The following MTMR7 variants were observed in gnomAD, a reference collection of about 807,000 sequenced individuals.
MTMR7 encodes the protein myotubularin related protein 7, also known as phosphatidylinositol-3-phosphate phosphatase MTMR7.
Under a neutral mutation model 81.2 loss-of-function variants are expected in MTMR7, and 76 were observed. The ratio of observed to expected loss-of-function variants is 0.94; its 90% CI spans 0.78 to 1.13. The LOEUF (loss-of-function observed/expected upper bound fraction) is 1.13. Ranked by LOEUF, MTMR7 falls within the 50% of genes most tolerant of loss-of-function variation. The probability of loss-of-function intolerance (pLI) is 0.00; values close to 1 mark genes in which losing one functional copy is unlikely to be tolerated. For missense variants in MTMR7, 1,044 were observed against 820.0 expected (o/e 1.27, Z -3.34); for synonymous variants, 372 against 289.8 (o/e 1.28, Z -2.88).
intron 3 of MTMR7, among the ~76,000 whole-genome samples, chr8:17,366,950 C>A (rs1820247106): frequency 6.7e-6 from 1 of 149,692 alleles, no homozygotes; most frequent in African/African-American, 2.5e-5. Flanking sequence ...ACAGCTATTA[C>A]TGGATTTTGC....
intron 7 of MTMR7, chr8:17,326,577 T>C (rs924569898): frequency 6.6e-6 from 1 of 152,158 alleles, no homozygotes; most frequent in African/African-American, 2.4e-5. Flanking sequence ...GGAAAGGATG[T>C]TTTTAAAAGA....
intron 6 of MTMR7, among the ~76,000 whole-genome samples, chr8:17,338,538 A>T (rs1472689638): frequency 6.6e-6 from 1 of 152,136 alleles, no homozygotes; most frequent in Non-Finnish European, 1.5e-5. Context: ...AATCATCTGT[A>T]ACTATTAGGA....
intron 9 of MTMR7, among the ~76,000 whole-genome samples, chr8:17,310,000 T>C (rs914908793): frequency 6.6e-6 from 1 of 152,192 alleles, no homozygotes; most frequent in African/African-American, 2.4e-5. Context: ...TATTGTTTTA[T>C]ATTTTAAAAT....
intron 1 of MTMR7, among the ~76,000 whole-genome samples, chr8:17,410,917 A>G (rs1821719843): frequency 6.6e-6 from 1 of 152,208 alleles, no homozygotes; most frequent in South Asian, 2.1e-4. Flanking sequence ...ACAGTGGGCC[A>G]GAAAAACAAA....
At chr8:17,349,771 T>G (rs1008060326) in intron 4 of MTMR7, among the ~76,000 whole-genome samples, 1 of 152,220 alleles carries the variant, frequency 6.6e-6, no homozygotes, top group African/African-American at 2.4e-5. Context: ...TAAGGATCGA[T>G]GTACTCTTTC....
chr8:17,303,943 A>T (rs190599069), intron 12 of MTMR7, among the ~76,000 whole-genome samples: 6 of 152,322 alleles, frequency 3.9e-5, no homozygotes, highest in African/African-American at 1.2e-4. Context: ...CAAAAAGGCA[A>T]CCTATTACGT....
chr8:17,371,864 T>G (rs964009750), intron 2 of MTMR7, among the ~76,000 whole-genome samples: 6 of 150,480 alleles, frequency 4.0e-5, no homozygotes, highest in East Asian at 3.9e-4. Flanking sequence ...TTTTTTTTTT[T>G]TTTTTTTTTT....
chr8:17,373,118 C>A lies in MTMR7; in HGVS notation c.147G>T (p.Trp49Cys). The part of the protein sequence containing the change: ...ENSPDPRKET[W>C]ILHSQISTIE... ...AAAGCTAAAAATAAAGAAAGCATAC[C>A]CATGTTTCTTTTCTTGGGTCAGGTG... Residue 49 changes from tryptophan to cysteine, a missense_variant and splice_region_variant, in exon 2 of 14, where the codon TGG (tryptophan) becomes TGT (cysteine). By Grantham distance (215) the Trp-to-Cys change is radical. Transcript: ENST00000180173. 1 of 1,612,780 alleles carries A rather than the reference C, an allele frequency of 6.2e-7. No individual in the cohort carries two copies. The highest frequency in any genetic ancestry group is 1.1e-5 in the South Asian group (1 of 90,682).
chr8:17,411,957 A>G (rs1004558669), intron 1 of MTMR7, among the ~76,000 whole-genome samples: 2 of 152,242 alleles, frequency 1.3e-5, no homozygotes, highest in Non-Finnish European at 2.9e-5. Context: ...GGCAGAGTCC[A>G]TGAGTTAAAT....
chr8:17,408,772 T>C (rs1475177330), intron 1 of MTMR7, among the ~76,000 whole-genome samples: 1 of 152,172 alleles, frequency 6.6e-6, no homozygotes, highest in Non-Finnish European at 1.5e-5. Context: ...AAGTATAAGA[T>C]ATTATCATCA....
At chr8:17,396,781 C>A (rs943419604) in intron 1 of MTMR7, among the ~76,000 whole-genome samples, 1 of 151,918 alleles carries the variant, frequency 6.6e-6, no homozygotes, top group Admixed American at 6.6e-5. Flanking sequence ...ACCCCTCTCA[C>A]AACCCCAGGC....
chr8:17,392,909 T>A, intron 1 of MTMR7, among the ~76,000 whole-genome samples: 1 of 152,204 alleles, frequency 6.6e-6, no homozygotes, highest in Non-Finnish European at 1.5e-5. Context: ...TGAGGATGAT[T>A]ATAAAAATAA....
intron 1 of MTMR7, among the ~76,000 whole-genome samples, chr8:17,398,059 G>T (rs1821315391): frequency 6.6e-6 from 1 of 152,028 alleles, no homozygotes; most frequent in South Asian, 2.1e-4. Context: ...TTGAATACCT[G>T]GAAGGTTCCA....
At position 17,413,339 on chromosome 8, in the gene MTMR7, C is replaced by T; in HGVS notation, c.-47G>A. ...TCCCGGGCGGGCGCGGCCTCACGCA[C>T]CTGCGCGCCTCTGCGGCGCGATGGG... On this transcript the variant is annotated 5_prime_UTR_variant, in exon 1 of 14. It adds an upstream start codon to the 5' untranslated region. Coordinates refer to ENST00000180173, the MANE Select transcript of MTMR7 (RefSeq NM_004686.5). 1 of 1,505,982 alleles carries T rather than the reference C, an allele frequency of 6.6e-7. No individual in the cohort carries two copies. Among genetic ancestry groups the T allele is most frequent in the Non-Finnish European group, 8.9e-7 (1 of 1,127,336 alleles). The allele number at this position is 1,505,982 out of a possible 1,614,324, so 93.3% of individuals were successfully genotyped here.
At chr8:17,307,381 AAAC>A (rs1347687315) in intron 10 of MTMR7, among the ~76,000 whole-genome samples, 6 of 152,318 alleles carry the variant, frequency 3.9e-5, no homozygotes, top group African/African-American at 1.4e-4. Flanking sequence ...AAAAGTCAGG[AAAC>A]AACAGGTGCT....
In MTMR7 at chr8:17,385,642, A is replaced by G. The variant is rs1279651943; in HGVS notation, c.25-12402T>C. On this transcript the variant is annotated intron_variant, in intron 1 of 13. Coordinates refer to ENST00000180173, the MANE Select transcript of MTMR7 (RefSeq NM_004686.5). ...GTATGTCTTAATTAGCAGCATGAGA[A>G]CACACTAATATAGTACTGTCCTCAC... Among the ~76,000 whole-genome samples, 3 of 152,162 alleles carry G rather than the reference A, an allele frequency of 2.0e-5. No individual in the cohort carries two copies. The East Asian group carries it at 5.8e-4, about 29-fold the overall frequency.
chr8:17,313,115 T>C (rs1331559298), intron 8 of MTMR7, among the ~76,000 whole-genome samples, 177 bp downstream of exon 8: 3 of 152,230 alleles, frequency 2.0e-5, no homozygotes, highest in Admixed American at 6.5e-5. Context: ...CAGCTAAGCA[T>C]TGTATTCTTT....
intron 6 of MTMR7, among the ~76,000 whole-genome samples, chr8:17,331,689 A>G (rs1819011575): frequency 6.6e-6 from 1 of 152,230 alleles, no homozygotes; most frequent in Non-Finnish European, 1.5e-5. Context: ...AAGGCTCTAT[A>G]CATTATTATA....
chr8:17,401,402 A>G (rs1206061801), intron 1 of MTMR7, among the ~76,000 whole-genome samples: 1 of 152,066 alleles, frequency 6.6e-6, no homozygotes, highest in East Asian at 1.9e-4. Flanking sequence ...GTGAGGTCCA[A>G]GAACAGGGAG....
Sources: allele counts gnomAD v4.1 joint callset (sites outside exome capture counted in the v4.1 genomes callset), GRCh38; gene constraint gnomAD v4.1.1; transcripts MANE v1.5; gene names NCBI Gene and HGNC (gene_info 2026-07-23, HGNC 2026-07-21).